The following ZC3H18 variants were observed in gnomAD, a reference collection of about 807,000 sequenced individuals.
ZC3H18 encodes zinc finger CCCH-type containing 18, also known as zinc finger CCCH domain-containing protein 18.
Under a neutral mutation model 106.1 loss-of-function variants are expected in ZC3H18, and 8 were observed. The observed-to-expected ratio is 0.08, with a 90% CI of 0.04 to 0.14. The LOEUF is 0.14. Among genes scored for constraint, ZC3H18 ranks in the 10% least tolerant of loss-of-function variants. ZC3H18 has a pLI of 1.00. For missense variants in ZC3H18, 1,318 were observed against 1,278.4 expected (o/e 1.03, Z -0.47); for synonymous variants, 635 against 522.1 (o/e 1.22, Z -2.95).
chr16:88,628,193 C>T (rs1309695860), intron 15 of ZC3H18, 74 bp downstream of exon 15: 1 of 1,550,216 alleles, frequency 6.5e-7, no homozygotes, highest in Non-Finnish European at 8.8e-7. Flanking sequence ...AGACAGCTTC[C>T]TCCTGGGGGA....
chr16:88,622,032 A>T (rs552858087), intron 8 of ZC3H18, among the ~76,000 whole-genome samples, 165 bp from the exon 9 acceptor site: 1 of 152,236 alleles, frequency 6.6e-6, no homozygotes, highest in South Asian at 2.1e-4. Context: ...CCATGGGGTG[A>T]TGGGTTTTGT....
chr16:88,607,196 G>T (rs1292975580), intron 6 of ZC3H18, among the ~76,000 whole-genome samples: 1 of 152,204 alleles, frequency 6.6e-6, no homozygotes, highest in Non-Finnish European at 1.5e-5. Flanking sequence ...CTCTGGGCGT[G>T]CCTGGGTCTG....
At chr16:88,621,345 C>T (rs985927423) in intron 8 of ZC3H18, among the ~76,000 whole-genome samples, 2 of 151,844 alleles carry the variant, frequency 1.3e-5, no homozygotes, top group African/African-American at 2.4e-5. Context: ...CTGCCTCAGC[C>T]CCCCAAGTAG....
In ZC3H18 at chr16:88,577,219, C is replaced by A; in HGVS notation, c.96C>A (p.Ser32Arg). The A allele has an allele frequency of 6.2e-7, 1 of 1,611,882 alleles. No individual in the cohort carries two copies. ...GLSDDDILRD[S>R]GSDQDLDGAG... The stretch of plus-strand genomic sequence containing the variant: ...CGGACGATGACATTCTGAGGGACAG[C>A]GGGTCCGATCAGGATTTGGACGGGG... Residue 32 changes from serine to arginine, a missense_variant, in exon 2 of 18, where the codon AGC becomes AGA. By Grantham distance (110) the Ser-to-Arg change is moderately radical. Around this residue, in one of 6 missense-constraint regions of ZC3H18, gnomAD observed 346 missense variants for 269.0 expected, o/e 1.29. Transcript: ENST00000301011.
chr16:88,623,538 G>T (rs1906102901), intron 10 of ZC3H18, 194 bp downstream of exon 10: 7 of 708,404 alleles, frequency 9.9e-6, no homozygotes, highest in Non-Finnish European at 1.6e-5. Context: ...TCGTCCTTGT[G>T]TAGATGCGTG....
At chr16:88,604,464 A>G (rs970616745) in intron 6 of ZC3H18, among the ~76,000 whole-genome samples, 1 of 152,198 alleles carries the variant, frequency 6.6e-6, no homozygotes, top group Non-Finnish European at 1.5e-5. Flanking sequence ...AGGCAGGCAG[A>G]TCACAGGGTC....
At chr16:88,604,554 C>G (rs535489623) in intron 6 of ZC3H18, among the ~76,000 whole-genome samples, 1 of 151,812 alleles carries the variant, frequency 6.6e-6, no homozygotes, top group Non-Finnish European at 1.5e-5. Context: ...GGCGTGGTGG[C>G]GGACACCTGT....
chr16:88,590,749 G>T (rs1597330502), intron 3 of ZC3H18, among the ~76,000 whole-genome samples: 1 of 151,430 alleles, frequency 6.6e-6, no homozygotes, highest in African/African-American at 2.4e-5. Context: ...TAGCAGACAT[G>T]GGGTTTCATC....
chr16:88,581,461 G>A (rs1353208694), intron 2 of ZC3H18, among the ~76,000 whole-genome samples: 1 of 152,170 alleles, frequency 6.6e-6, no homozygotes, highest in African/African-American at 2.4e-5. Flanking sequence ...TTGTGCCTAA[G>A]GCCTTGAATC....
At chr16:88,630,342 C>T (rs1906583457) in intron 16 of ZC3H18, 143 bp from the exon 17 acceptor site, 2 of 627,642 alleles carry the variant, frequency 3.2e-6, no homozygotes, top group Admixed American at 5.9e-5. Flanking sequence ...TTGGCTCTCC[C>T]CTTTTTATTT....
chr16:88,631,145 C>G lies in ZC3H18; in HGVS notation c.2708C>G (p.Thr903Arg), dbSNP rs758461083. The G allele has an allele frequency of 6.2e-7, 1 of 1,613,288 alleles. No homozygotes were observed. Among genetic ancestry groups the G allele is most frequent in the African/African-American group, 1.3e-5 (1 of 75,044 alleles). ...CAGTCCAAGAGCTCCAGCAAGGTCA[C>G]GAGCGTGCCCGGCAAAGCCTCGGAT... ...SPQSKSSSKVTSVPGKASDPG... is the reference protein window; with the variant it reads ...SPQSKSSSKVRSVPGKASDPG... The change falls in exon 18 of 18, where the codon ACG becomes AGG. Residue 903 changes from threonine (T) to arginine (R), a missense_variant. Physicochemically the swap from Thr to Arg is moderately conservative, Grantham distance 71 (BLOSUM62 -1). Around this residue, in one of 6 missense-constraint regions of ZC3H18, gnomAD observed 848 missense variants for 821.7 expected, o/e 1.03. Coordinates refer to ENST00000301011, the MANE Select transcript of ZC3H18 (RefSeq NM_144604.4).
At chr16:88,614,920 G>A (rs1465284089) in intron 8 of ZC3H18, among the ~76,000 whole-genome samples, 2 of 152,180 alleles carry the variant, frequency 1.3e-5, no homozygotes, top group African/African-American at 2.4e-5. Flanking sequence ...TGCCCAGATG[G>A]GCTGCCCCCA....
rs71391393 is a variant in ZC3H18 at position 88,582,219 on chromosome 16, CTTTT to C, written c.604-4361_604-4358del. Among the ~76,000 whole-genome samples, 203 of 77,182 alleles carry C rather than the reference CTTTT, an allele frequency of 2.6e-3. 1 individual carries two copies. The highest frequency in any genetic ancestry group is 0.015 in the Middle Eastern group (1 of 66). 50.6% of individuals were successfully genotyped at this position (77,182 alleles called of 152,430 possible). A position where few individuals can be genotyped will look rare whatever the true frequency, so the allele number is the denominator to read the frequency against. ...TAAATCCACCTTTCCTTTTTCTTTT[CTTTT>C]TTTTTTTTTTTTTTTTTTTGAGATG... is the stretch of plus-strand genomic sequence containing the variant. On this transcript the variant is annotated intron_variant, in intron 2 of 17. Transcript: ENST00000301011.
chr16:88,607,811 C>T (rs1299162888), intron 6 of ZC3H18, among the ~76,000 whole-genome samples: 4 of 149,740 alleles, frequency 2.7e-5, no homozygotes, highest in African/African-American at 9.9e-5. Context: ...TCATGTCAGG[C>T]GTCTCCCCAT....
rs1009251443 is a variant in ZC3H18 at position 88,570,441 on chromosome 16, C to T, written c.-140C>T. 6.6e-6 allele frequency: 1 copy of T among 152,048 alleles called. No individual in the cohort carries two copies. Among genetic ancestry groups the T allele is most frequent in the African/African-American group, 2.4e-5 (1 of 41,426 alleles). 9.4% of individuals were successfully genotyped at this position (152,048 alleles called of 1,614,324 possible). Reference sequence around the variant, plus strand: ...GGCCGGCCCCCGCGGGTAGTGGAGCCCGTTTGTTCCGCCCGTGTCGAGCCT... The same window carrying T: ...GGCCGGCCCCCGCGGGTAGTGGAGCTCGTTTGTTCCGCCCGTGTCGAGCCT... On this transcript the variant is annotated 5_prime_UTR_variant, in exon 1 of 18. Coordinates refer to ENST00000301011, the MANE Select transcript of ZC3H18 (RefSeq NM_144604.4).
intron 3 of ZC3H18, among the ~76,000 whole-genome samples, chr16:88,588,833 G>A (rs1295825828): frequency 6.6e-6 from 1 of 151,956 alleles, no homozygotes; most frequent in African/African-American, 2.4e-5. Flanking sequence ...CTGCAGTTGT[G>A]CCATGATCGT....
intron 2 of ZC3H18, 120 bp downstream of exon 2, chr16:88,577,846 CAGG>C: frequency 6.5e-7 from 1 of 1,541,030 alleles, no homozygotes; most frequent in Non-Finnish European, 8.7e-7. Flanking sequence ...AGGGATGGTG[CAGG>C]AGAATGAGAG....
At chr16:88,625,404 G>A in intron 13 of ZC3H18, 137 bp downstream of exon 13, 2 of 1,044,092 alleles carry the variant, frequency 1.9e-6, no homozygotes, top group East Asian at 2.6e-5. Flanking sequence ...CTGGGGCTGT[G>A]GAAGGCTGCG....
chr16:88,609,541 A>G (rs933878380), intron 7 of ZC3H18, among the ~76,000 whole-genome samples: 1 of 151,728 alleles, frequency 6.6e-6, no homozygotes, highest in South Asian at 2.1e-4. Context: ...AGCTCAAGCA[A>G]TCCGCCTGCT....
Sources: gnomAD v4.1 joint callset for allele counts (sites outside exome capture counted in the v4.1 genomes callset) on GRCh38, gnomAD v4.1.1 for gene constraint, gnomAD v4.1.1 regional missense constraint, MANE v1.5 for transcripts, NCBI Gene and HGNC (gene_info 2026-07-23, HGNC 2026-07-21) for gene names.